The following ARHGAP10 variants were observed in gnomAD, a reference collection of about 807,000 sequenced individuals.
The protein encoded by ARHGAP10 is Rho GTPase activating protein 10, also known as rho GTPase-activating protein 10.
A neutral mutation model predicts 108.6 loss-of-function variants in ARHGAP10; 87 were observed. That is an observed-to-expected ratio of 0.80 (90% CI 0.67 to 0.96). The LOEUF (loss-of-function observed/expected upper bound fraction) is 0.96. Ranked by LOEUF, ARHGAP10 falls within the 40% of genes least tolerant of loss-of-function variation. ARHGAP10 has a pLI of 0.00. For synonymous variants in ARHGAP10, 347 were observed against 341.1 expected, an observed-to-expected ratio of 1.02 and a Z score of -0.19; for missense variants, 939 against 954.5, an observed-to-expected ratio of 0.98 and a Z score of 0.21.
rs182527272 is a variant in ARHGAP10 at position 148,007,071 on chromosome 4, G to C, written c.1717-16192G>C. Among the ~76,000 whole-genome samples, 7 of 151,966 alleles carry C rather than the reference G, an allele frequency of 4.6e-5. No individual in the cohort carries two copies. The East Asian group carries it at 1.2e-3, about 25-fold the overall frequency. On this transcript the variant is annotated intron_variant, in intron 18 of 22. Coordinates refer to ENST00000336498, the MANE Select transcript of ARHGAP10 (RefSeq NM_024605.4). ...TGCGGTGGGAGTTAGCGCACTTCAA[G>C]GAGGTTAATCATCCTATTCTTGGAC...
intron 18 of ARHGAP10, among the ~76,000 whole-genome samples, chr4:148,005,778 A>G (rs1253635800): frequency 1.3e-5 from 2 of 152,250 alleles, no homozygotes; most frequent in Admixed American, 1.3e-4. Context: ...CTTCGATGAC[A>G]AAAACGTGAA....
At chr4:147,811,590 TAAAAAAA>T (rs1175026659) in intron 1 of ARHGAP10, among the ~76,000 whole-genome samples, 5 of 95,064 alleles carry the variant, frequency 5.3e-5, no homozygotes, top group Non-Finnish European at 1.4e-4. Context: ...TGGCTTTTTT[TAAAAAAA>T]AAAAACAAAA....
intron 7 of ARHGAP10, among the ~76,000 whole-genome samples, chr4:147,868,290 G>A (rs993367275): frequency 1.3e-5 from 2 of 151,102 alleles, no homozygotes; most frequent in South Asian, 4.2e-4. Context: ...AGGCTGAAGT[G>A]CAGTGGCACA....
intron 18 of ARHGAP10, among the ~76,000 whole-genome samples, chr4:147,969,039 A>C (rs926093541): frequency 6.6e-6 from 1 of 152,224 alleles, no homozygotes; most frequent in East Asian, 1.9e-4. Flanking sequence ...TACCTGGTAC[A>C]TATTAGGTGT....
chr4:147,900,687 A>G (rs1736201566), intron 10 of ARHGAP10, among the ~76,000 whole-genome samples: 1 of 152,202 alleles, frequency 6.6e-6, no homozygotes, highest in African/African-American at 2.4e-5. Context: ...AAGAACCCCC[A>G]GTCGGAACTT....
At chr4:147,754,092 G>T (rs984837635) in intron 1 of ARHGAP10, among the ~76,000 whole-genome samples, 1 of 152,166 alleles carries the variant, frequency 6.6e-6, no homozygotes, top group African/African-American at 2.4e-5. Flanking sequence ...CTCCAGCAGT[G>T]TCTAGAACAG....
chr4:147,737,175 G>A (rs1314039913), intron 1 of ARHGAP10, among the ~76,000 whole-genome samples: 1 of 152,066 alleles, frequency 6.6e-6, no homozygotes, highest in Non-Finnish European at 1.5e-5. Flanking sequence ...TTTGAGATGT[G>A]AGTCTCGCCC....
At chr4:147,791,589 G>GTTTT (rs1413876745) in intron 1 of ARHGAP10, among the ~76,000 whole-genome samples, 3 of 151,222 alleles carry the variant, frequency 2.0e-5, no homozygotes, top group Admixed American at 6.6e-5. Flanking sequence ...TTGTTTGTTT[G>GTTTT]TTTTTTGTTT....
At chr4:147,936,683 T>C (rs17024163) in intron 13 of ARHGAP10, among the ~76,000 whole-genome samples, 4,807 of 152,294 alleles carry the variant, frequency 0.032, 254 homozygotes, top group African/African-American at 0.11. Flanking sequence ...GTGTCTCTGA[T>C]GCTGTGACTC....
At chr4:147,971,096 A>G (rs1261745412) in intron 18 of ARHGAP10, among the ~76,000 whole-genome samples, 2 of 140,438 alleles carry the variant, frequency 1.4e-5, no homozygotes, top group Non-Finnish European at 3.0e-5. Flanking sequence ...TCTGTCTCAA[A>G]AAAAAAAAAA....
intron 3 of ARHGAP10, among the ~76,000 whole-genome samples, chr4:147,832,283 GTA>G (rs1175748830): frequency 6.6e-6 from 1 of 151,920 alleles, no homozygotes; most frequent in Non-Finnish European, 1.5e-5. Flanking sequence ...ATATTAGATG[GTA>G]TAGCCTTGAA....
chr4:148,045,595 G>A (rs143600360), intron 19 of ARHGAP10, among the ~76,000 whole-genome samples: 7 of 152,006 alleles, frequency 4.6e-5, no homozygotes, highest in East Asian at 3.9e-4. Context: ...AAAATTAGCC[G>A]GGCGTGGTGG....
chr4:147,933,592 G>C (rs989889436), intron 13 of ARHGAP10, among the ~76,000 whole-genome samples: 3 of 152,166 alleles, frequency 2.0e-5, no homozygotes, highest in Non-Finnish European at 4.4e-5. Context: ...GGCTTGCCAC[G>C]AGTCTCTTCA....
chr4:148,016,003 A>G (rs1186717557), intron 18 of ARHGAP10, among the ~76,000 whole-genome samples: 1 of 152,192 alleles, frequency 6.6e-6, no homozygotes, highest in Non-Finnish European at 1.5e-5. Context: ...TGTTGGAGGC[A>G]ATGGAACACA....
In ARHGAP10 at chr4:147,813,762, C is replaced by G. The variant is rs117343287; in HGVS notation, c.155-8965C>G. Reference sequence around the variant, plus strand: ...CAAGTTGCTCACATGTTTTCCTGGTCTCTTCGTAATTGTATTCTCATTATT... The same window carrying G: ...CAAGTTGCTCACATGTTTTCCTGGTGTCTTCGTAATTGTATTCTCATTATT... On this transcript the variant is annotated intron_variant, in intron 1 of 22. Coordinates refer to ENST00000336498, the MANE Select transcript of ARHGAP10 (RefSeq NM_024605.4). Among the ~76,000 whole-genome samples, 11 of 152,310 alleles carry G rather than the reference C, an allele frequency of 7.2e-5. No homozygotes were observed. In the East Asian group the frequency reaches 1.9e-3, roughly 27 times the overall value.
At chr4:147,973,108 T>C (rs1348257590) in intron 18 of ARHGAP10, among the ~76,000 whole-genome samples, 1 of 152,134 alleles carries the variant, frequency 6.6e-6, no homozygotes, top group Admixed American at 6.5e-5. Flanking sequence ...GTAAGATGTA[T>C]GTGAATGAGT....
chr4:147,908,750 G>A (rs1009979583), intron 11 of ARHGAP10, among the ~76,000 whole-genome samples: 3 of 152,140 alleles, frequency 2.0e-5, no homozygotes, highest in Admixed American at 6.6e-5. Context: ...TTAGAATACA[G>A]CAGTTTCCTT....
chr4:147,822,130 C>A (rs887696612), intron 1 of ARHGAP10, among the ~76,000 whole-genome samples: 2 of 152,190 alleles, frequency 1.3e-5, no homozygotes, highest in Non-Finnish European at 2.9e-5. Flanking sequence ...AGATGAGGAC[C>A]TCTGTAGGTC....
At chr4:147,935,799 G>A (rs1407673862) in intron 13 of ARHGAP10, among the ~76,000 whole-genome samples, 2 of 152,258 alleles carry the variant, frequency 1.3e-5, no homozygotes, top group East Asian at 1.9e-4. Context: ...TGTATTTTAC[G>A]TGCGATTTCC....
Sources: gnomAD v4.1 joint callset for allele counts (sites outside exome capture counted in the v4.1 genomes callset) on GRCh38, gnomAD v4.1.1 for gene constraint, MANE v1.5 for transcripts, NCBI Gene and HGNC (gene_info 2026-07-23, HGNC 2026-07-21) for gene names.